The following ZNF318 variants were observed in gnomAD, a reference collection of about 807,000 sequenced individuals.
ZNF318 encodes endocrine regulator.
A neutral mutation model predicts 124.2 loss-of-function variants in ZNF318; 51 were observed. The ratio of observed to expected loss-of-function variants is 0.41; its 90% confidence interval spans 0.33 to 0.52. ZNF318 has a LOEUF of 0.52. Among genes scored for constraint, ZNF318 ranks in the 20% least tolerant of loss-of-function variants. The pLI is 0.23. For missense variants in ZNF318, 2,815 were observed against 2,811.2 expected, an observed-to-expected ratio of 1.00 and a Z score of -0.03; for synonymous variants, 1,090 against 1,040.7, an observed-to-expected ratio of 1.05 and a Z score of -0.91.
chr6:43,342,624 G>A (rs1360582909), intron 7 of ZNF318, 52 bp downstream of exon 7: 39 of 1,580,052 alleles, frequency 2.5e-5, no homozygotes, highest in Non-Finnish European at 3.4e-5. Flanking sequence ...GGGTATAGAA[G>A]TTTGAAGAGA....
In ZNF318 at chr6:43,339,546, C is replaced by G; in HGVS notation, c.4452G>C (p.Gln1484His). The change falls in exon 10 of 10, where the codon CAG (glutamine) becomes CAC (histidine). Residue 1484 changes from glutamine to histidine, a missense_variant. Around this residue, in one of 4 missense-constraint regions of ZNF318, gnomAD observed 500 missense variants for 605.2 expected, o/e 0.83. Coordinates refer to ENST00000361428, the MANE Select transcript of ZNF318 (RefSeq NM_014345.3). The surrounding 1 kb of genome is among the most constrained non-coding windows in gnomAD (Gnocchi z 4.2). ...GACCCACGAAGCCAGGGCTGAGAGT[C>G]TGAGATACAACTGGGTTTGATTTTA... ...APVKSNPVVS[Q>H]TLSPGFVGPN... 1 of 1,612,138 alleles carries G rather than the reference C, an allele frequency of 6.2e-7. No homozygotes were observed. Among genetic ancestry groups the G allele is most frequent in the South Asian group, 1.1e-5 (1 of 91,026 alleles).
rs1299313318 is a variant in ZNF318, at chr6:43,336,429, A to C, written c.*729T>G. The C allele has an allele frequency of 6.6e-6, 1 of 152,298 alleles. No individual in the cohort carries two copies. Among genetic ancestry groups the C allele is most frequent in the Non-Finnish European group, 1.5e-5 (1 of 68,044 alleles). The allele number at this position is 152,298 out of a possible 1,614,324, so 9.4% of individuals were successfully genotyped here. ...TGCTCCTGGCAATGAACCATGAATA[A>C]GCCTTACCGATTTGTCGTCTTCTAA... On this transcript the variant is annotated 3_prime_UTR_variant, in exon 10 of 10. Coordinates refer to ENST00000361428, the MANE Select transcript of ZNF318 (RefSeq NM_014345.3).
In ZNF318 at chr6:43,355,104, A is replaced by C. The variant is rs764033489; in HGVS notation, c.2230T>G (p.Ser744Ala). The C allele has an allele frequency of 1.3e-5, 21 of 1,614,234 alleles. No homozygotes were observed. Among genetic ancestry groups the C allele is most frequent in the Non-Finnish European group, 1.8e-5 (21 of 1,180,040 alleles). ...AGTCTAATTGGGGCAGATGGGGCTG[A>C]TGGCAACATGCACCTGACTGCAACA... ...SSVAVRCMLP[S>A]APSAPIRLPH... is the part of the protein sequence containing the mutation. Residue 744 changes from serine to alanine, a missense_variant, in exon 4 of 10, where the codon TCA becomes GCA. Ser to Ala is a moderately conservative substitution (Grantham distance 99). This residue lies in a region of ZNF318 where 1,377 missense variants were observed against 1,353.5 expected (regional missense o/e 1.02). Transcript: ENST00000361428.
chr6:43,338,609 C>T lies in ZNF318; in HGVS notation c.5389G>A (p.Val1797Ile). ...ELSEGIVDEG[V>I]STSIGPHSID... ...CTGTGGGGTCCAATGCTGGTACTTA[C>T]TCCCTCATCAACTATCCCCTCAGAC... Residue 1797 changes from valine to isoleucine, a missense_variant, in exon 10 of 10, where the codon GTA becomes ATA. Val to Ile is a conservative substitution (Grantham distance 29, BLOSUM62 3). Transcript: ENST00000361428. 1.2e-6 allele frequency: 2 copies of T among 1,614,148 alleles called. No individual in the cohort carries two copies. The highest frequency in any genetic ancestry group is 1.7e-6 in the Non-Finnish European group (2 of 1,180,016).
At chr6:43,344,455 G>A (rs1430811286) in intron 6 of ZNF318, among the ~76,000 whole-genome samples, 1 of 152,086 alleles carries the variant, frequency 6.6e-6, no homozygotes, top group East Asian at 1.9e-4. Flanking sequence ...GTTAAAAATG[G>A]TATTATAGAA....
At chr6:43,360,561 A>G (rs1779667310) in intron 2 of ZNF318, among the ~76,000 whole-genome samples, 2 of 152,236 alleles carry the variant, frequency 1.3e-5, no homozygotes, top group Admixed American at 1.3e-4. Context: ...ACTATTCTAC[A>G]TTTTTGTGTT....
Position 43,356,157 on chromosome 6 carries a change from A to G in ZNF318, c.1189-12T>C. ...GAAAAACTCTCAAGCTGCAAAGACA[A>G]ACACAACTGATTTAGTCTTATGCAG... On this transcript the variant is annotated splice_polypyrimidine_tract_variant and intron_variant, in intron 3 of 9. Transcript: ENST00000361428. The G allele has an allele frequency of 6.2e-7, 1 of 1,605,136 alleles. No homozygotes were observed. Among genetic ancestry groups the G allele is most frequent in the Non-Finnish European group, 8.5e-7 (1 of 1,176,878 alleles).
At position 43,368,990 on chromosome 6, in the gene ZNF318, G is replaced by A. The variant is rs1282688655; in HGVS notation, c.376C>T (p.His126Tyr). Residue 126 changes from histidine to tyrosine, a missense_variant, in exon 1 of 10, where the codon CAT becomes TAT. Physicochemically the swap from His to Tyr is moderately conservative, Grantham distance 83 (BLOSUM62 2). Around this residue, in one of 4 missense-constraint regions of ZNF318, gnomAD observed 1,377 missense variants for 1,353.5 expected, o/e 1.02. Transcript: ENST00000361428. The part of the protein sequence containing the change: ...ADYARDGRGD[H>Y]PGDSGSRRRS... Reference sequence around the variant, plus strand: ...ACCCGGCTGCCGCTGTCGCCTGGATGGTCTCCGCGGCCGTCCCGGGCATAG... The same window carrying A: ...ACCCGGCTGCCGCTGTCGCCTGGATAGTCTCCGCGGCCGTCCCGGGCATAG... The A allele has an allele frequency of 1.9e-5, 27 of 1,434,618 alleles. No homozygotes were observed. The highest frequency in any genetic ancestry group is 2.9e-5 in the African/African-American group (2 of 67,928). 88.9% of individuals were successfully genotyped at this position (1,434,618 alleles called of 1,614,324 possible).
chr6:43,346,088 C>G (rs1779436615), intron 6 of ZNF318, among the ~76,000 whole-genome samples: 1 of 148,392 alleles, frequency 6.7e-6, no homozygotes, highest in Non-Finnish European at 1.5e-5. Context: ...GTAACTCCAG[C>G]TACTCAGGAG....
At chr6:43,356,938 T>C (rs1352083864) in intron 3 of ZNF318, among the ~76,000 whole-genome samples, 188 bp downstream of exon 3, 2 of 152,100 alleles carry the variant, frequency 1.3e-5, no homozygotes, top group Non-Finnish European at 2.9e-5. Context: ...TATACAGCAA[T>C]AGAACCCTCT....
chr6:43,362,774 G>C (rs1779700280), intron 2 of ZNF318, among the ~76,000 whole-genome samples: 1 of 152,044 alleles, frequency 6.6e-6, no homozygotes, highest in African/African-American at 2.4e-5. Context: ...AAAGTGCTGG[G>C]ATTACAGGTA....
Position 43,355,081 on chromosome 6 carries a change from T to A in ZNF318, c.2253A>T (p.Arg751Ser). 1 of 1,613,976 alleles carries A rather than the reference T, an allele frequency of 6.2e-7. No individual in the cohort carries two copies. The highest frequency in any genetic ancestry group is 8.5e-7 in the Non-Finnish European group (1 of 1,179,998). ...GAGATAAAGCAGCAGTGTGTGGAAG[T>A]CTAATTGGGGCAGATGGGGCTGATG... ...MLPSAPSAPI[R>S]LPHTAALSQF... Residue 751 changes from arginine (R) to serine (S), a missense_variant, in exon 4 of 10, where the codon AGA becomes AGT. Coordinates refer to ENST00000361428, the MANE Select transcript of ZNF318 (RefSeq NM_014345.3).
intron 2 of ZNF318, chr6:43,363,910 C>T (rs1422729653): frequency 2.9e-6 from 2 of 682,206 alleles, no homozygotes; most frequent in Admixed American, 2.1e-5. Context: ...TCTCCCTGTG[C>T]ACAGAGGCTA....
chr6:43,337,741 T>C lies in ZNF318; in HGVS notation c.6257A>G (p.Glu2086Gly), dbSNP rs775978906. 6.2e-7 allele frequency: 1 copy of C among 1,614,158 alleles called. No homozygotes were observed. The highest frequency in any genetic ancestry group is 8.5e-7 in the Non-Finnish European group (1 of 1,180,032). The change falls in exon 10 of 10, where the codon GAG becomes GGG. Residue 2086 changes from glutamate to glycine, a missense_variant. This residue lies in a region of ZNF318 where 927 missense variants were observed against 820.6 expected (regional missense o/e 1.13). Transcript: ENST00000361428. ...GGGATTAGGTGAGTTTCGTTCACCCTCTGTCTCAAAGTCAAGCACCAAGGT... is the reference window on the plus strand; with the variant it reads ...GGGATTAGGTGAGTTTCGTTCACCCCCTGTCTCAAAGTCAAGCACCAAGGT... ...PKTLVLDFET[E>G]GERNSPNPRS...
rs1315382691 is a variant in ZNF318, at chr6:43,337,470, G to A, written c.6528C>T (p.Val2176=). 1 of 1,614,050 alleles carries A rather than the reference G, an allele frequency of 6.2e-7. No homozygotes were observed. The highest frequency in any genetic ancestry group is 8.5e-7 in the Non-Finnish European group (1 of 1,180,028). The part of the protein sequence containing the change: ...SPCLPDLVDF[V]TRTSGVQKDK... ...CTTTTTGAACTCCAGAGGTCCGTGT[G>A]ACAAAGTCAACAAGGTCTGGAAGGC... is the stretch of plus-strand genomic sequence containing the variant. The change falls in exon 10 of 10, where the codon GTC becomes GTT. Residue 2176 remains valine, a synonymous_variant. Transcript: ENST00000361428.
chr6:43,341,010 T>C, intron 8 of ZNF318, 102 bp from the exon 9 acceptor site: 2 of 835,022 alleles, frequency 2.4e-6, no homozygotes, highest in South Asian at 2.9e-5. Flanking sequence ...ATGGTTACAG[T>C]ATAGAGGGCC....
In ZNF318 at chr6:43,346,599, G is replaced by A. The variant is rs73440335; in HGVS notation, c.3072+1725C>T. 1.1e-3 allele frequency among the ~76,000 whole-genome samples: 156 copies of A among 148,304 alleles called. 1 individual carries two copies. Among genetic ancestry groups the A allele is most frequent in the African/African-American group, 3.6e-3 (145 of 40,116 alleles). On this transcript the variant is annotated intron_variant, in intron 6 of 9. Coordinates refer to ENST00000361428, the MANE Select transcript of ZNF318 (RefSeq NM_014345.3). Reference sequence around the variant, plus strand: ...AAGAAGAGTCTTTAAATAAGACAACGAAATAAATTTTACAAAGAAACAAAT... The same window carrying A: ...AAGAAGAGTCTTTAAATAAGACAACAAAATAAATTTTACAAAGAAACAAAT...
At chr6:43,358,392 C>T (rs1049774035) in intron 2 of ZNF318, among the ~76,000 whole-genome samples, 2 of 150,970 alleles carry the variant, frequency 1.3e-5, no homozygotes, top group Non-Finnish European at 2.9e-5. Context: ...GGCCTATAGG[C>T]ACCAGCCATC....
intron 1 of ZNF318, among the ~76,000 whole-genome samples, chr6:43,367,162 T>C: frequency 6.6e-6 from 1 of 152,206 alleles, no homozygotes; most frequent in East Asian, 1.9e-4. Flanking sequence ...ATTTTAGTAC[T>C]TCTTAGTCCT....
Sources: allele counts gnomAD v4.1 joint callset (sites outside exome capture counted in the v4.1 genomes callset), GRCh38; gene constraint gnomAD v4.1.1; regional missense constraint gnomAD v4.1.1; non-coding constraint Gnocchi (gnomAD v3.1); transcripts MANE v1.5; gene names NCBI Gene and HGNC (gene_info 2026-07-23, HGNC 2026-07-21).